CTNNA2: variants seen among roughly 807,000 people sequenced by gnomAD.
CTNNA2 encodes the protein catenin alpha 2.
CTNNA2 carries 42 observed loss-of-function variants against 101.0 expected under a neutral mutation model. The ratio of observed to expected loss-of-function variants is 0.42; its 90% CI spans 0.32 to 0.54. CTNNA2 has a LOEUF of 0.54. Among genes scored for constraint, CTNNA2 ranks in the 20% least tolerant of loss-of-function variants. The pLI is 0.14. For missense variants in CTNNA2, 871 were observed against 1,223.1 expected, an observed-to-expected ratio of 0.71 and a Z score of 4.29; for synonymous variants, 450 against 456.4, an observed-to-expected ratio of 0.99 and a Z score of 0.18.
At chr2:80,584,597 C>A (rs1695818223) in intron 14 of CTNNA2, among the ~76,000 whole-genome samples, 1 of 151,930 alleles carries the variant, frequency 6.6e-6, no homozygotes, top group African/African-American at 2.4e-5. Flanking sequence ...AATTGCTAGG[C>A]ACTTAACCTT....
chr2:79,769,088 C>T (rs1306181434), intron 3 of CTNNA2, among the ~76,000 whole-genome samples: 2 of 152,132 alleles, frequency 1.3e-5, no homozygotes, highest in East Asian at 3.9e-4. Flanking sequence ...ATCTCCTGAC[C>T]TCGTGATCCG....
At chr2:79,264,431 G>A (rs1388522154) in intron 2 of CTNNA2, among the ~76,000 whole-genome samples, 1 of 152,040 alleles carries the variant, frequency 6.6e-6, no homozygotes, top group Non-Finnish European at 1.5e-5. Context: ...TTTATAAAAA[G>A]TTAATTTTAA....
At chr2:79,809,274 G>A (rs1033925002) in intron 3 of CTNNA2, among the ~76,000 whole-genome samples, 11 of 152,180 alleles carry the variant, frequency 7.2e-5, no homozygotes, top group African/African-American at 2.7e-4. Context: ...CTTTATAGGA[G>A]AATGATTTAT....
At chr2:80,436,665 C>T (rs989353398) in intron 9 of CTNNA2, among the ~76,000 whole-genome samples, 1 of 152,020 alleles carries the variant, frequency 6.6e-6, no homozygotes, top group East Asian at 1.9e-4. Context: ...GGTCCAAGAT[C>T]GAGGCACCAG....
intron 9 of CTNNA2, among the ~76,000 whole-genome samples, chr2:80,527,248 G>A (rs1690124640): frequency 6.6e-6 from 1 of 152,222 alleles, no homozygotes; most frequent in South Asian, 2.1e-4. Flanking sequence ...AGCAAAGCAA[G>A]TGTAGTATGG....
chr2:80,503,839 T>C (rs1325255189), intron 9 of CTNNA2, among the ~76,000 whole-genome samples: 1 of 152,052 alleles, frequency 6.6e-6, no homozygotes, highest in Admixed American at 6.6e-5. Context: ...CAAGCCAAGT[T>C]TGGAGTCTAG....
chr2:79,456,288 A>G (rs1425852865), intron 4 of CTNNA2, among the ~76,000 whole-genome samples: 2 of 151,904 alleles, frequency 1.3e-5, no homozygotes, highest in African/African-American at 4.8e-5. Flanking sequence ...GACTCCTACA[A>G]TGCTAAAAAT....
Position 80,308,337 on chromosome 2 carries a change from AT to A in CTNNA2, c.1057-84872del, listed in dbSNP as rs775171610. On this transcript the variant is annotated intron_variant, in intron 7 of 18. Coordinates refer to ENST00000402739, the MANE Select transcript of CTNNA2 (RefSeq NM_001282597.3). Reference sequence around the variant, plus strand: ...ATGTTCAAGGAAGGAAATTTGAGTGATTATTTTAATGTTCTGTCATCGCTAG... The same window carrying A: ...ATGTTCAAGGAAGGAAATTTGAGTGATATTTTAATGTTCTGTCATCGCTAG... Among the ~76,000 whole-genome samples, 31 of 152,328 alleles carry A rather than the reference AT, an allele frequency of 2.0e-4. 1 individual carries two copies. Among genetic ancestry groups the A allele is most frequent in the Middle Eastern group, 3.4e-3 (1 of 294 alleles).
intron 7 of CTNNA2, among the ~76,000 whole-genome samples, chr2:80,378,231 C>A (rs1475352385): frequency 6.6e-6 from 1 of 152,028 alleles, no homozygotes; most frequent in African/African-American, 2.4e-5. Flanking sequence ...GGTGGCGCGC[C>A]TTTAATCCCA....
chr2:79,858,423 C>G (rs757478460), intron 4 of CTNNA2, among the ~76,000 whole-genome samples: 10 of 152,040 alleles, frequency 6.6e-5, no homozygotes, highest in Non-Finnish European at 1.3e-4. Flanking sequence ...GTTTAGATTT[C>G]TCCTTACTTC....
At chr2:79,709,790 A>T (rs1685628058) in intron 2 of CTNNA2, among the ~76,000 whole-genome samples, 1 of 152,134 alleles carries the variant, frequency 6.6e-6, no homozygotes. Context: ...GCGAGACCAA[A>T]ACAAGGAAGA....
intron 4 of CTNNA2, among the ~76,000 whole-genome samples, chr2:79,484,408 G>A (rs1292399349): frequency 6.6e-6 from 1 of 151,668 alleles, no homozygotes; most frequent in Non-Finnish European, 1.5e-5. Flanking sequence ...GGGGTAAGTG[G>A]GTCTGACTCC....
chr2:79,216,403 C>T (rs57236290), intron 2 of CTNNA2, among the ~76,000 whole-genome samples: 42,018 of 149,942 alleles, frequency 0.28, 6,348 homozygotes, highest in East Asian at 0.41. Context: ...GGTCGGGGTG[C>T]GGAAATAAAG....
intron 7 of CTNNA2, among the ~76,000 whole-genome samples, chr2:79,948,214 A>G (rs572988476): frequency 1.1e-4 from 16 of 152,234 alleles, no homozygotes; most frequent in Non-Finnish European, 1.6e-4. Flanking sequence ...CATTGCATTC[A>G]TCTTCCCTAG....
chr2:80,230,648 T>C (rs1052697738), intron 7 of CTNNA2, among the ~76,000 whole-genome samples: 8 of 152,144 alleles, frequency 5.3e-5, no homozygotes, highest in African/African-American at 1.9e-4. Flanking sequence ...CAAGAAGAGA[T>C]GTTTTCACTC....
chr2:80,611,602 C>A (rs1433523529), intron 17 of CTNNA2, among the ~76,000 whole-genome samples: 4 of 151,328 alleles, frequency 2.6e-5, no homozygotes, highest in Non-Finnish European at 4.4e-5. Context: ...TTAATCAGCA[C>A]CTTTAAAGTT....
intron 2 of CTNNA2, among the ~76,000 whole-genome samples, chr2:79,738,663 G>C (rs868266765): frequency 1.1e-4 from 17 of 152,294 alleles, no homozygotes; most frequent in South Asian, 1.0e-3. Flanking sequence ...GTGGAATTGA[G>C]TCAACGGCAC....
Position 79,869,873 on chromosome 2 carries a change from C to G in CTNNA2, c.523C>G (p.Arg175Gly). The change falls in exon 5 of 19, where the codon CGT becomes GGT. Residue 175 changes from arginine (R) to glycine (G), a missense_variant. Coordinates refer to ENST00000402739, the MANE Select transcript of CTNNA2 (RefSeq NM_001282597.3). ...TACAAATGAGCAAGACCTTGCAAAC[C>G]GTTTTAAAGAGTTTGGGAAAGAGAT... is the stretch of plus-strand genomic sequence containing the variant. ...NATNEQDLANRFKEFGKEMVK... is the reference protein window; with the variant it reads ...NATNEQDLANGFKEFGKEMVK... The G allele has an allele frequency of 6.2e-7, 1 of 1,614,062 alleles. No individual in the cohort carries two copies. The highest frequency in any genetic ancestry group is 8.5e-7 in the Non-Finnish European group (1 of 1,179,986).
chr2:79,560,768 T>C (rs1674727351), intron 1 of CTNNA2, among the ~76,000 whole-genome samples: 1 of 151,926 alleles, frequency 6.6e-6, no homozygotes, highest in Non-Finnish European at 1.5e-5. Flanking sequence ...GAATATATCC[T>C]GGAAACGCCT....
Sources: gnomAD v4.1 joint callset for allele counts (sites outside exome capture counted in the v4.1 genomes callset) on GRCh38, gnomAD v4.1.1 for gene constraint, MANE v1.5 for transcripts, NCBI Gene and HGNC (gene_info 2026-07-23, HGNC 2026-07-21) for gene names.